MS4A6A: variants seen among roughly 807,000 people sequenced by gnomAD.
MS4A6A encodes membrane spanning 4-domains A6A.
MS4A6A carries 19 observed loss-of-function variants against 20.6 expected under a neutral mutation model. The observed-to-expected ratio is 0.92, with a 90% confidence interval of 0.64 to 1.36. MS4A6A has a LOEUF of 1.36. MS4A6A is among the 40% of genes most tolerant of loss of function. MS4A6A has a pLI of 0.00. For missense variants in MS4A6A, 272 were observed against 261.1 expected (o/e 1.04, Z -0.29); for synonymous variants, 108 against 105.0 (o/e 1.03, Z -0.17).
chr11:60,173,295 A>T lies in MS4A6A; in HGVS notation c.550-166T>A, dbSNP rs75296513. On this transcript the variant is annotated intron_variant, in intron 5 of 5. Transcript: ENST00000528851. ...TCCTCCCACACCTCACAATTGTCTT[A>T]ATTCAACCCCTTAACTCATTTCCTT... Among the ~76,000 whole-genome samples the T allele has an allele frequency of 1.9e-3, 286 of 152,310 alleles. 12 individuals are homozygous for T. In the East Asian group the frequency reaches 0.046, roughly 25 times the overall value.
At chr11:60,175,988 A>G (rs1856818598) in intron 4 of MS4A6A, among the ~76,000 whole-genome samples, 1 of 152,204 alleles carries the variant, frequency 6.6e-6, no homozygotes, top group African/African-American at 2.4e-5. Flanking sequence ...CTCTCGCTCA[A>G]CTCAAAAACC....
In MS4A6A at chr11:60,183,067, T is replaced by C; in HGVS notation, c.-104A>G. 6.7e-7 allele frequency: 1 copy of C among 1,501,430 alleles called. No individual in the cohort carries two copies. The highest frequency in any genetic ancestry group is 8.8e-7 in the Non-Finnish European group (1 of 1,132,728). The allele number at this position is 1,501,430 out of a possible 1,614,324, so 93.0% of individuals were successfully genotyped here. A position where few individuals can be genotyped will look rare whatever the true frequency, so the allele number is the denominator to read the frequency against. On this transcript the variant is annotated 5_prime_UTR_variant, in exon 1 of 6. Transcript: ENST00000528851. ...GTCCCATCAACGGTTTCTACTTACC[T>C]TCATCTTCTGAAAGTCATCAGCCCT...
At chr11:60,177,039 T>G (rs999981701) in intron 4 of MS4A6A, 2 of 152,188 alleles carry the variant, frequency 1.3e-5, no homozygotes, top group Non-Finnish European at 1.5e-5. Flanking sequence ...TAAGAGAAAT[T>G]TTTATTCAGT....
Position 60,172,855 on chromosome 11 carries a change from AC to A in MS4A6A, c.*145del. Reference sequence around the variant, plus strand: ...CCAGTGAATTTTCAGCTTATCAGCTACTCAATTGCCATCTGCTTTTCTTCTC... The same window carrying A: ...CCAGTGAATTTTCAGCTTATCAGCTATCAATTGCCATCTGCTTTTCTTCTC... On this transcript the variant is annotated 3_prime_UTR_variant, in exon 6 of 6. Transcript: ENST00000528851. The A allele has an allele frequency of 1.4e-6, 2 of 1,463,394 alleles. No homozygotes were observed. The highest frequency in any genetic ancestry group is 1.8e-6 in the Non-Finnish European group (2 of 1,104,988). 90.7% of individuals were successfully genotyped at this position (1,463,394 alleles called of 1,614,324 possible). A position where few individuals can be genotyped will look rare whatever the true frequency, so the allele number is the denominator to read the frequency against.
At position 60,183,014 on chromosome 11, in the gene MS4A6A, C is replaced by T. The variant is rs2083819553; in HGVS notation, c.-51G>A. ...GGTTCCAGCTGAGTCCTCAGAAGCT[C>T]CAAAGAGGTTTTAACTCTGGTTTCT... On this transcript the variant is annotated 5_prime_UTR_variant, in exon 1 of 6. Coordinates refer to ENST00000528851, the MANE Select transcript of MS4A6A (RefSeq NM_022349.4). 4.9e-6 allele frequency: 7 copies of T among 1,418,060 alleles called. No individual in the cohort carries two copies. The Admixed American group carries it at 9.3e-5, about 19-fold the overall frequency. The allele number at this position is 1,418,060 out of a possible 1,614,324, so 87.8% of individuals were successfully genotyped here.
In MS4A6A at chr11:60,179,884, G is replaced by A. The variant is rs766149183; in HGVS notation, c.229C>T (p.Gln77Ter). ...ASASFSPNFT[Q>*]VTSTLLNSAY... is the part of the protein sequence containing the mutation. ...GAGTTCAACAGTGTAGAAGTCACTT[G>A]GGTAAAATTTGGAGAGAAGGAAGCA... The change falls in exon 3 of 6, where the codon CAA becomes TAA. Residue 77 changes from glutamine (Q) to a stop codon, truncating the protein, a stop_gained. Coordinates refer to ENST00000528851, the MANE Select transcript of MS4A6A (RefSeq NM_022349.4). LOFTEE classifies it high-confidence loss of function. 6.2e-7 allele frequency: 1 copy of A among 1,613,962 alleles called. No homozygotes were observed. Among genetic ancestry groups the A allele is most frequent in the African/African-American group, 1.3e-5 (1 of 74,908 alleles).
chr11:60,174,958 T>C (rs1590667619), intron 5 of MS4A6A, among the ~76,000 whole-genome samples: 1 of 152,010 alleles, frequency 6.6e-6, no homozygotes, highest in Non-Finnish European at 1.5e-5. Context: ...CCTCTTTTTC[T>C]TAGTACTGAA....
chr11:60,180,571 T>C (rs1857081052), intron 2 of MS4A6A: 2 of 159,194 alleles, frequency 1.3e-5, no homozygotes, highest in South Asian at 3.7e-4. Flanking sequence ...GGGGGTTTGC[T>C]GTACAGATTA....
intron 3 of MS4A6A, 21 bp downstream of exon 3, chr11:60,179,810 C>G (rs749633289): frequency 1.9e-6 from 3 of 1,613,974 alleles, no homozygotes; most frequent in East Asian, 4.5e-5. Context: ...CCATCCTGCC[C>G]TCCTCAGAAA....
Position 60,172,596 on chromosome 11 carries a change from G to C in MS4A6A, c.*405C>G. On this transcript the variant is annotated 3_prime_UTR_variant, in exon 6 of 6. Transcript: ENST00000528851. ...GAGCATAAGACATTCACTGGATCCA[G>C]TTACGTGTGTAAATGCCCTTTACCA... 1 of 1,128,130 alleles carries C rather than the reference G, an allele frequency of 8.9e-7. No homozygotes were observed. The allele number at this position is 1,128,130 out of a possible 1,614,324, so 69.9% of individuals were successfully genotyped here. A position where few individuals can be genotyped will look rare whatever the true frequency, so the allele number is the denominator to read the frequency against.
intron 4 of MS4A6A, 32 bp downstream of exon 4, chr11:60,178,228 A>G: frequency 6.3e-7 from 1 of 1,585,956 alleles, no homozygotes; most frequent in African/African-American, 1.3e-5. Context: ...ATTTTGATCC[A>G]TTGGGTTGTG....
intron 3 of MS4A6A, 184 bp from the exon 4 acceptor site, chr11:60,178,500 A>C: frequency 1.1e-5 from 5 of 446,200 alleles, no homozygotes; most frequent in Admixed American, 4.2e-5. Context: ...ATAACATCAG[A>C]AAAAAAAAAG....
chr11:60,176,499 G>C (rs879428275), intron 4 of MS4A6A, among the ~76,000 whole-genome samples: 7 of 152,150 alleles, frequency 4.6e-5, no homozygotes, highest in Admixed American at 2.6e-4. Flanking sequence ...AACTCACACA[G>C]AAAAGAGAAT....
chr11:60,184,367 T>C (rs2083867507), upstream of MS4A6A: 1 of 152,250 alleles, frequency 6.6e-6, no homozygotes. Flanking sequence ...CGTCTGTGTT[T>C]CCAGTGGGTG....
intron 4 of MS4A6A, among the ~76,000 whole-genome samples, chr11:60,176,620 A>T (rs780512288): frequency 2.6e-5 from 4 of 152,188 alleles, no homozygotes; most frequent in Admixed American, 6.5e-5. Flanking sequence ...TTCTTCTTTT[A>T]GGAACTCACC....
At position 60,176,004 on chromosome 11, in the gene MS4A6A, C is replaced by T. The variant is rs547148529; in HGVS notation, c.340-393G>A. On this transcript the variant is annotated intron_variant, in intron 4 of 5. Coordinates refer to ENST00000528851, the MANE Select transcript of MS4A6A (RefSeq NM_022349.4). ...TCTCGCTCAACTCAAAAACCCCTGG[C>T]GGAAGCATCAGCCACATGGAAAAGA... Among the ~76,000 whole-genome samples, 8 of 152,264 alleles carry T rather than the reference C, an allele frequency of 5.3e-5. No individual in the cohort carries two copies. In the South Asian group the frequency reaches 1.5e-3, roughly 28 times the overall value.
Position 60,179,853 on chromosome 11 carries a change from T to C in MS4A6A, c.260A>G (p.Tyr87Cys). ...QVTSTLLNSAYPFIGPFFFII... is the reference protein window; with the variant it reads ...QVTSTLLNSACPFIGPFFFII... Reference sequence around the variant, plus strand: ...CACAAAAAAGGGTCCTATGAATGGGTAAGCAGAGTTCAACAGTGTAGAAGT... The same window carrying C: ...CACAAAAAAGGGTCCTATGAATGGGCAAGCAGAGTTCAACAGTGTAGAAGT... Residue 87 changes from tyrosine (Y) to cysteine (C), a missense_variant, in exon 3 of 6, where the codon TAC becomes TGC. Physicochemically the swap from Tyr to Cys is radical, Grantham distance 194. Coordinates refer to ENST00000528851, the MANE Select transcript of MS4A6A (RefSeq NM_022349.4). 1.2e-6 allele frequency: 2 copies of C among 1,614,094 alleles called. No individual in the cohort carries two copies. Among genetic ancestry groups the C allele is most frequent in the Non-Finnish European group, 1.7e-6 (2 of 1,180,012 alleles).
At chr11:60,181,559 A>G in intron 2 of MS4A6A, 22 bp downstream of exon 2, 1 of 1,613,488 alleles carries the variant, frequency 6.2e-7, no homozygotes, top group Non-Finnish European at 8.5e-7. Flanking sequence ...CCCCTCTCCA[A>G]CACGTTCTGA....
chr11:60,181,778 A>C (rs1243069915), intron 1 of MS4A6A, 37 bp from the exon 2 acceptor site: 1 of 1,602,914 alleles, frequency 6.2e-7, no homozygotes, highest in East Asian at 2.2e-5. Context: ...CTTAAAAAGT[A>C]CAGAGCTCCC....
Sources: gnomAD v4.1 joint callset for allele counts (sites outside exome capture counted in the v4.1 genomes callset) on GRCh38, gnomAD v4.1.1 for gene constraint, MANE v1.5 for transcripts, NCBI Gene and HGNC (gene_info 2026-07-23, HGNC 2026-07-21) for gene names.